MTUS2: variants seen among roughly 807,000 people sequenced by gnomAD.
MTUS2 encodes microtubule-associated tumor suppressor candidate 2.
Under a neutral mutation model 114.1 loss-of-function variants are expected in MTUS2, and 40 were observed. The ratio of observed to expected loss-of-function variants is 0.35; its 90% CI spans 0.27 to 0.46. MTUS2 has a LOEUF of 0.46. Ranked by LOEUF, MTUS2 falls within the 20% of genes least tolerant of loss-of-function variation. The pLI, the probability that MTUS2 is intolerant of heterozygous loss-of-function variation, is 1.00. For synonymous variants in MTUS2, 688 were observed against 672.0 expected (o/e 1.02, Z -0.37); for missense variants, 1,679 against 1,705.4 (o/e 0.98, Z 0.27).
chr13:29,070,035 G>A (rs1255858035), intron 4 of MTUS2, among the ~76,000 whole-genome samples: 1 of 152,180 alleles, frequency 6.6e-6, no homozygotes, highest in African/African-American at 2.4e-5. Context: ...TCAAAGCATA[G>A]GCTGAGAAGG....
intron 8 of MTUS2, among the ~76,000 whole-genome samples, chr13:29,408,985 T>C (rs188564788): frequency 5.8e-4 from 89 of 152,328 alleles, no homozygotes; most frequent in African/African-American, 2.1e-3. Context: ...TACTTACTCT[T>C]TTGCTCTATC....
intron 5 of MTUS2, among the ~76,000 whole-genome samples, chr13:29,109,950 CAT>C (rs570994329): frequency 1.3e-5 from 2 of 152,216 alleles, no homozygotes; most frequent in African/African-American, 2.4e-5. Context: ...AAGCTAAAAA[CAT>C]ATCGTTTTTG....
chr13:29,124,958 T>G (rs938456745), intron 5 of MTUS2, among the ~76,000 whole-genome samples: 2 of 152,196 alleles, frequency 1.3e-5, no homozygotes, highest in Admixed American at 1.3e-4. Context: ...AGTTACTGTT[T>G]AACAGGTATA....
At chr13:29,476,439 C>T (rs528828869) in intron 9 of MTUS2, 3 of 152,210 alleles carry the variant, frequency 2.0e-5, no homozygotes, top group African/African-American at 7.2e-5. Flanking sequence ...ATGAACTTTC[C>T]TTCTATAAAA....
intron 5 of MTUS2, among the ~76,000 whole-genome samples, chr13:29,124,912 G>C (rs80135666): frequency 0.019 from 2,907 of 152,224 alleles, 103 homozygotes; most frequent in African/African-American, 0.066. Flanking sequence ...AAAGTAAAAT[G>C]GGGTTGTCAG....
At chr13:29,072,883 T>C (rs1000658710) in intron 4 of MTUS2, among the ~76,000 whole-genome samples, 1 of 152,228 alleles carries the variant, frequency 6.6e-6, no homozygotes, top group African/African-American at 2.4e-5. Flanking sequence ...TCAAACAGTG[T>C]CTATTTATAA....
chr13:28,945,489 A>T (rs1262599305), intron 2 of MTUS2, among the ~76,000 whole-genome samples: 2 of 152,074 alleles, frequency 1.3e-5, no homozygotes, highest in Non-Finnish European at 1.5e-5. Context: ...CCTTGCCAAC[A>T]TCTTGTTATT....
chr13:28,894,349 A>AGAG (rs1879137896), intron 2 of MTUS2, among the ~76,000 whole-genome samples: 1 of 88,580 alleles, frequency 1.1e-5, no homozygotes, highest in African/African-American at 5.2e-5. Flanking sequence ...AGAGAGAGAG[A>AGAG]GTGAGAGTGA....
At chr13:29,402,425 C>T (rs1158480782) in intron 8 of MTUS2, among the ~76,000 whole-genome samples, 1 of 152,104 alleles carries the variant, frequency 6.6e-6, no homozygotes, top group Non-Finnish European at 1.5e-5. Flanking sequence ...AAGCGAAAGC[C>T]AAGAGGCAGT....
intron 5 of MTUS2, among the ~76,000 whole-genome samples, chr13:29,121,862 G>A (rs1442015100): frequency 1.3e-5 from 2 of 151,950 alleles, no homozygotes; most frequent in Non-Finnish European, 2.9e-5. Flanking sequence ...GTTTCTCCAT[G>A]TTGGTCAGGT....
intron 8 of MTUS2, among the ~76,000 whole-genome samples, chr13:29,437,263 G>C (rs958544989): frequency 6.6e-6 from 1 of 152,214 alleles, no homozygotes; most frequent in Non-Finnish European, 1.5e-5. Flanking sequence ...TACTCTGAGA[G>C]TGAACACTGT....
intron 7 of MTUS2, among the ~76,000 whole-genome samples, chr13:29,358,136 G>T (rs988500678): frequency 1.3e-5 from 2 of 152,168 alleles, no homozygotes; most frequent in African/African-American, 4.8e-5. Flanking sequence ...TAATCTACTA[G>T]AGTGAAGGAA....
At position 29,505,459 on chromosome 13, in the gene MTUS2, G is replaced by GTT. The variant is rs777593143; in HGVS notation, c.*2255_*2256dup. 2.6e-4 allele frequency: 18 copies of GTT among 69,754 alleles called. No homozygotes were observed. Among genetic ancestry groups the GTT allele is most frequent in the African/African-American group, 5.1e-4 (11 of 21,546 alleles). The allele number at this position is 69,754 out of a possible 1,614,324, so 4.3% of individuals were successfully genotyped here. ...CCACGTGGCCCTGGCTTCGTGGTTT[G>GTT]TTTGTTTTTTTTCTTTTGTTACGGA... On this transcript the variant is annotated 3_prime_UTR_variant, in exon 16 of 16. Coordinates refer to ENST00000612955, the MANE Select transcript of MTUS2 (RefSeq NM_001033602.4).
At chr13:29,107,789 G>A (rs1368048264) in intron 5 of MTUS2, among the ~76,000 whole-genome samples, 2 of 152,240 alleles carry the variant, frequency 1.3e-5, no homozygotes, top group South Asian at 2.1e-4. Flanking sequence ...TCGTTTTGAG[G>A]AGGTTAGATA....
At chr13:29,317,776 T>C (rs1900067690) in intron 6 of MTUS2, among the ~76,000 whole-genome samples, 1 of 152,228 alleles carries the variant, frequency 6.6e-6, no homozygotes, top group African/African-American at 2.4e-5. Flanking sequence ...TTTCCTCTTT[T>C]ATTTGATATA....
intron 8 of MTUS2, among the ~76,000 whole-genome samples, chr13:29,373,489 C>T (rs1170836802): frequency 6.6e-6 from 1 of 152,138 alleles, no homozygotes; most frequent in Non-Finnish European, 1.5e-5. Context: ...GAAAATGACC[C>T]CTTAAATTGT....
At chr13:29,256,528 G>A (rs921373097) in intron 5 of MTUS2, among the ~76,000 whole-genome samples, 1 of 152,202 alleles carries the variant, frequency 6.6e-6, no homozygotes, top group Non-Finnish European at 1.5e-5. Flanking sequence ...CCTTCCTATC[G>A]TCACACTTTC....
intron 6 of MTUS2, among the ~76,000 whole-genome samples, chr13:29,313,725 A>T (rs569419163): frequency 6.6e-6 from 1 of 152,246 alleles, no homozygotes; most frequent in African/African-American, 2.4e-5. Flanking sequence ...GTCCAGCATA[A>T]TGGATACAAA....
chr13:28,934,594 G>A (rs768986633), intron 2 of MTUS2, among the ~76,000 whole-genome samples: 4 of 152,158 alleles, frequency 2.6e-5, no homozygotes, highest in African/African-American at 9.7e-5. Flanking sequence ...TGCAATCTCA[G>A]ATCACTGCAA....
Sources: gnomAD v4.1 joint callset for allele counts (sites outside exome capture counted in the v4.1 genomes callset) on GRCh38, gnomAD v4.1.1 for gene constraint, MANE v1.5 for transcripts, NCBI Gene and HGNC (gene_info 2026-07-23, HGNC 2026-07-21) for gene names.